Variants in TENM2 observed in about 807,000 individuals in gnomAD.
TENM2 encodes the protein teneurin transmembrane protein 2, also known as teneurin-2.
A neutral mutation model predicts 245.2 loss-of-function variants in TENM2; 52 were observed. The observed-to-expected ratio is 0.21, with a 90% confidence interval of 0.17 to 0.27. TENM2 has a LOEUF of 0.27. Among genes scored for constraint, TENM2 ranks in the 10% least tolerant of loss-of-function variants. The pLI, the probability that TENM2 is intolerant of heterozygous loss-of-function variation, is 1.00. For synonymous variants in TENM2, 1,363 were observed against 1,438.9 expected, an observed-to-expected ratio of 0.95 and a Z score of 1.19; for missense variants, 3,046 against 3,666.8, an observed-to-expected ratio of 0.83 and a Z score of 4.37.
intron 7 of TENM2, among the ~76,000 whole-genome samples, chr5:168,064,045 T>C (rs903449315): frequency 7.9e-5 from 12 of 152,186 alleles, no homozygotes; most frequent in Middle Eastern, 3.4e-3. Flanking sequence ...ACACAGCCCC[T>C]GACCAAGCAG....
At chr5:167,899,115 A>G (rs1333910715) in intron 3 of TENM2, among the ~76,000 whole-genome samples, 3 of 152,306 alleles carry the variant, frequency 2.0e-5, no homozygotes, top group Admixed American at 2.0e-4. Flanking sequence ...TGTGACAAGA[A>G]TTCCATTACT....
chr5:168,174,079 T>G (rs1472073002), intron 13 of TENM2, among the ~76,000 whole-genome samples: 2 of 152,182 alleles, frequency 1.3e-5, no homozygotes, highest in Non-Finnish European at 2.9e-5. Flanking sequence ...CATATTTGTT[T>G]GTGCCTCCCA....
chr5:167,602,820 C>G (rs1026752153), intron 2 of TENM2, among the ~76,000 whole-genome samples: 6 of 151,852 alleles, frequency 4.0e-5, no homozygotes, highest in African/African-American at 1.5e-4. Flanking sequence ...AAACAAGGGG[C>G]AAAAGAAAAT....
intron 2 of TENM2, among the ~76,000 whole-genome samples, chr5:167,785,116 C>G (rs995991317): frequency 1.3e-5 from 2 of 152,118 alleles, no homozygotes; most frequent in African/African-American, 4.8e-5. Context: ...TTTTTTCCTA[C>G]TACACAGTCT....
the TENM2 span, among the ~76,000 whole-genome samples, chr5:167,193,163 A>G: frequency 2.6e-5 from 4 of 152,106 alleles, no homozygotes; most frequent in East Asian, 7.8e-4. Flanking sequence ...AAAAAATGTC[A>G]TTTTAGTGTC....
chr5:168,199,806 A>G, intron 16 of TENM2, 58 bp from the exon 19 acceptor site: 8 of 1,559,946 alleles, frequency 5.1e-6, no homozygotes, highest in Non-Finnish European at 7.0e-6. Context: ...TATCGGGGTT[A>G]CAGTTTACCT....
chr5:167,792,690 G>C (rs1007024591), intron 2 of TENM2, among the ~76,000 whole-genome samples: 12 of 148,478 alleles, frequency 8.1e-5, no homozygotes, highest in African/African-American at 3.0e-4. Context: ...CCAGAGGTCA[G>C]ATAAATCTGC....
chr5:167,652,388 TTTA>T (rs1754532705), intron 2 of TENM2, among the ~76,000 whole-genome samples: 1 of 152,184 alleles, frequency 6.6e-6, no homozygotes, highest in South Asian at 2.1e-4. Flanking sequence ...TTTCTTCTTC[TTTA>T]TTATTTTTAT....
At chr5:167,973,571 C>T (rs954579253) in intron 4 of TENM2, among the ~76,000 whole-genome samples, 14 of 152,272 alleles carry the variant, frequency 9.2e-5, no homozygotes, top group South Asian at 2.1e-4. Flanking sequence ...GGGGACTCTA[C>T]GGAAGCATGG....
intron 2 of TENM2, among the ~76,000 whole-genome samples, chr5:167,536,729 T>C (rs1470197521): frequency 6.6e-6 from 1 of 152,120 alleles, no homozygotes; most frequent in East Asian, 1.9e-4. Context: ...CAAGATTAGA[T>C]GTCCAGGTCA....
chr5:168,093,005 C>G (rs759824785), intron 8 of TENM2, among the ~76,000 whole-genome samples: 6 of 152,202 alleles, frequency 3.9e-5, no homozygotes, highest in Non-Finnish European at 8.8e-5. Context: ...ACTGAGGAAG[C>G]CAAGACTAAA....
chr5:167,095,769 T>C, the TENM2 span, among the ~76,000 whole-genome samples: 1 of 24,390 alleles, frequency 4.1e-5, no homozygotes, highest in East Asian at 7.6e-4. Flanking sequence ...AAAGCCTTTC[T>C]TTTTTTTTTT....
At chr5:168,134,936 T>G (rs1754915673) in intron 12 of TENM2, among the ~76,000 whole-genome samples, 1 of 152,210 alleles carries the variant, frequency 6.6e-6, no homozygotes, top group African/African-American at 2.4e-5. Flanking sequence ...AGAAGGAAGC[T>G]GGCATTTCTC....
intron 2 of TENM2, among the ~76,000 whole-genome samples, chr5:167,558,532 G>A (rs1170529707): frequency 1.3e-5 from 2 of 152,202 alleles, no homozygotes; most frequent in Admixed American, 6.5e-5. Context: ...CAGATCAGCA[G>A]CAGCAGCATT....
intron 2 of TENM2, among the ~76,000 whole-genome samples, chr5:167,481,075 G>T (rs1406356291): frequency 6.6e-6 from 1 of 152,160 alleles, no homozygotes; most frequent in African/African-American, 2.4e-5. Context: ...CTGTCTGGTT[G>T]TGTAGTTTCT....
At chr5:167,118,396 G>A in the TENM2 span, among the ~76,000 whole-genome samples, 12 of 152,080 alleles carry the variant, frequency 7.9e-5, no homozygotes, top group Admixed American at 1.3e-4. Flanking sequence ...TATAAAAAAT[G>A]CTTGCCAAGT....
At chr5:167,417,497 A>G (rs1763229497) in intron 2 of TENM2, among the ~76,000 whole-genome samples, 1 of 152,064 alleles carries the variant, frequency 6.6e-6, no homozygotes, top group Non-Finnish European at 1.5e-5. Context: ...ATTCCAGCCT[A>G]CAGAACTTAT....
At chr5:167,328,647 A>C (rs772878523) in intron 1 of TENM2, among the ~76,000 whole-genome samples, 3 of 152,132 alleles carry the variant, frequency 2.0e-5, no homozygotes, top group Non-Finnish European at 4.4e-5. Context: ...TAATCACACT[A>C]CCTCATGGTA....
At chr5:167,150,344 G>A in the TENM2 span, among the ~76,000 whole-genome samples, 4 of 152,022 alleles carry the variant, frequency 2.6e-5, no homozygotes, top group African/African-American at 4.8e-5. Flanking sequence ...GCTTGTTTCC[G>A]TTAGTCCAGG....
Sources: allele counts gnomAD v4.1 joint callset (sites outside exome capture counted in the v4.1 genomes callset), GRCh38; gene constraint gnomAD v4.1.1; transcripts MANE v1.5; gene names NCBI Gene and HGNC (gene_info 2026-07-23, HGNC 2026-07-21).